Variants in LYSMD2 observed in about 807,000 individuals in gnomAD.
LYSMD2 encodes the protein LysM domain containing 2.
LYSMD2 carries 6 observed loss-of-function variants against 17.7 expected under a neutral mutation model. The observed-to-expected ratio is 0.34, with a 90% CI of 0.19 to 0.67. LYSMD2 has a LOEUF of 0.67. LYSMD2 is among the 30% of genes least tolerant of loss of function. LYSMD2 has a pLI of 0.69. For missense variants in LYSMD2, 237 were observed against 286.7 expected (o/e 0.83, Z 1.25); for synonymous variants, 102 against 129.8 (o/e 0.79, Z 1.45).
chr15:51,726,629 A>C (rs889658551), intron 1 of LYSMD2, among the ~76,000 whole-genome samples: 3 of 152,248 alleles, frequency 2.0e-5, no homozygotes, highest in African/African-American at 7.2e-5. Context: ...AGATGCTGGC[A>C]GTCATCCTGG....
upstream of LYSMD2, among the ~76,000 whole-genome samples, chr15:51,739,464 T>A (rs1301839183): frequency 6.6e-6 from 1 of 152,240 alleles, no homozygotes; most frequent in East Asian, 1.9e-4. Context: ...GTATCCAGTG[T>A]GTCCATTTCA....
chr15:51,743,184 C>A (rs1400065346), intron 1 of LYSMD2, among the ~76,000 whole-genome samples: 1 of 152,104 alleles, frequency 6.6e-6, no homozygotes, highest in Non-Finnish European at 1.5e-5. Context: ...CTATATTGCC[C>A]AGTCTGGTCT....
rs529861051 is a variant in LYSMD2, at chr15:51,725,235, TGGG to T, written c.274-117_274-115del. The T allele has an allele frequency of 4.1e-4, 265 of 652,520 alleles. 5 individuals are homozygous for T. The Admixed American group carries it at 7.3e-3, about 18-fold the overall frequency. The allele number at this position is 652,520 out of a possible 1,614,324, so 40.4% of individuals were successfully genotyped here. On this transcript the variant is annotated intron_variant, in intron 1 of 2. Transcript: ENST00000267838. ...AAGCAAAATGTACACAATGCTTTCT[TGGG>T]ATTTGAGACTCTTCATTCAGGTTTG... is the stretch of plus-strand genomic sequence containing the variant.
At chr15:51,730,692 TTC>T (rs1263971432) in intron 1 of LYSMD2, among the ~76,000 whole-genome samples, 1 of 152,338 alleles carries the variant, frequency 6.6e-6, no homozygotes, top group South Asian at 2.1e-4. Context: ...TTCTCAAAAC[TTC>T]TTTTTCTTCC....
intron 1 of LYSMD2, among the ~76,000 whole-genome samples, chr15:51,732,577 A>G (rs1232308032): frequency 6.6e-6 from 1 of 152,224 alleles, no homozygotes; most frequent in Non-Finnish European, 1.5e-5. Context: ...AGGTGATGGT[A>G]GGAAAGAGTC....
chr15:51,749,110 A>G (rs908291699), intron 1 of LYSMD2, among the ~76,000 whole-genome samples: 1 of 152,196 alleles, frequency 6.6e-6, no homozygotes, highest in Non-Finnish European at 1.5e-5. Flanking sequence ...TCATCTTCTA[A>G]AAAGCAAGTA....
chr15:51,723,672 T>G, intron 2 of LYSMD2, 23 bp from the exon 3 acceptor site: 1 of 1,571,100 alleles, frequency 6.4e-7, no homozygotes, highest in Non-Finnish European at 8.7e-7. Flanking sequence ...AAATACAGCA[T>G]AAATCAGAGT....
chr15:51,733,762 C>T (rs776671202), intron 1 of LYSMD2, among the ~76,000 whole-genome samples: 33 of 152,080 alleles, frequency 2.2e-4, no homozygotes, highest in Non-Finnish European at 4.6e-4. Context: ...TCTGTGACTG[C>T]GCAGGTCACA....
intron 1 of LYSMD2, among the ~76,000 whole-genome samples, chr15:51,744,638 A>G (rs1204793982): frequency 6.6e-6 from 1 of 152,164 alleles, no homozygotes; most frequent in Non-Finnish European, 1.5e-5. Context: ...TAGTTTTGAT[A>G]TTGGAGCAAA....
intron 1 of LYSMD2, among the ~76,000 whole-genome samples, chr15:51,747,612 A>C (rs919867700): frequency 6.6e-6 from 1 of 152,236 alleles, no homozygotes; most frequent in Non-Finnish European, 1.5e-5. Context: ...AATTAAGATC[A>C]CACATTACAT....
upstream of LYSMD2, chr15:51,737,866 C>G (rs2141599833): frequency 7.1e-6 from 2 of 282,614 alleles, no homozygotes; most frequent in South Asian, 3.3e-4. The surrounding 1 kb of genome is among the most constrained non-coding windows in gnomAD (Gnocchi z 4.2). Context: ...GAAAGCAGCT[C>G]CCGCCGCGGC....
At chr15:51,744,315 T>G (rs1341437289) in intron 1 of LYSMD2, among the ~76,000 whole-genome samples, 1 of 152,146 alleles carries the variant, frequency 6.6e-6, no homozygotes, top group African/African-American at 2.4e-5. Context: ...GAAGTACCCC[T>G]CTGTTCTCAG....
chr15:51,748,261 C>CAAAAA (rs10556304), intron 1 of LYSMD2, among the ~76,000 whole-genome samples: 14 of 60,226 alleles, frequency 2.3e-4, no homozygotes, highest in African/African-American at 7.0e-4. Context: ...GACTCCGTCT[C>CAAAAA]AAAAAAAAAA....
At chr15:51,725,167 A>C (rs1022467749) in intron 1 of LYSMD2, 46 bp from the exon 2 acceptor site, 1 of 1,206,786 alleles carries the variant, frequency 8.3e-7, no homozygotes, top group African/African-American at 1.5e-5. Context: ...AACCAAGTCA[A>C]GGAGTAAGAT....
At chr15:51,737,737 G>T (rs2055621581), upstream of LYSMD2, 1 of 797,102 alleles carries the variant, frequency 1.3e-6, no homozygotes, top group Non-Finnish European at 1.7e-6. This position sits in a 1 kb window ranked among gnomAD's most constrained non-coding sequence, Gnocchi z 4.2. Flanking sequence ...GCCGTTCCGC[G>T]GGGGCGGCGG....
At chr15:51,745,683 A>G (rs1403759672) in intron 1 of LYSMD2, among the ~76,000 whole-genome samples, 1 of 152,108 alleles carries the variant, frequency 6.6e-6, no homozygotes, top group Non-Finnish European at 1.5e-5. Context: ...AATGGGAGAA[A>G]ACATTTGCAA....
In LYSMD2 at chr15:51,737,078, A is replaced by G. The variant is rs1182240928; in HGVS notation, c.273+272T>C. On this transcript the variant is annotated intron_variant, in intron 1 of 2. Transcript: ENST00000267838. The surrounding 1 kb of genome is among the most constrained non-coding windows in gnomAD (Gnocchi z 4.2). ...GATCTAGTCTGAGCCTGGGCGGGGCACCGGGAACTCGATGCAGCTACCTAG... is the reference window on the plus strand; with the variant it reads ...GATCTAGTCTGAGCCTGGGCGGGGCGCCGGGAACTCGATGCAGCTACCTAG... Among the ~76,000 whole-genome samples, 1 of 152,182 alleles carries G rather than the reference A, an allele frequency of 6.6e-6. No individual in the cohort carries two copies. The highest frequency in any genetic ancestry group is 2.4e-5 in the African/African-American group (1 of 41,456).
chr15:51,726,644 T>A (rs757478870), intron 1 of LYSMD2, among the ~76,000 whole-genome samples: 2 of 152,226 alleles, frequency 1.3e-5, no homozygotes, highest in Admixed American at 6.5e-5. Flanking sequence ...TCCTGGCACC[T>A]TGTGGAATCT....
intron 1 of LYSMD2, among the ~76,000 whole-genome samples, chr15:51,726,911 A>G (rs887854238): frequency 9.2e-5 from 14 of 152,214 alleles, no homozygotes; most frequent in African/African-American, 2.9e-4. Context: ...ACAGAAACAG[A>G]TGGGACCAGG....
Sources: allele counts gnomAD v4.1 joint callset (sites outside exome capture counted in the v4.1 genomes callset), GRCh38; gene constraint gnomAD v4.1.1; non-coding constraint Gnocchi (gnomAD v3.1); transcripts MANE v1.5; gene names NCBI Gene and HGNC (gene_info 2026-07-23, HGNC 2026-07-21).